Variants in LUC7L observed in about 807,000 individuals in gnomAD.
The protein encoded by LUC7L is LUC7 like, also known as putative RNA-binding protein Luc7-like 1.
In LUC7L, 29 loss-of-function variants were observed where a neutral mutation model predicts 51.1. The ratio of observed to expected loss-of-function variants is 0.57; its 90% CI spans 0.42 to 0.77. LUC7L has a LOEUF of 0.77. Ranked by LOEUF, LUC7L falls within the 30% of genes least tolerant of loss-of-function variation. LUC7L has a pLI of 0.00. For synonymous variants in LUC7L, 181 were observed against 180.7 expected (o/e 1.00, Z -0.01); for missense variants, 403 against 511.9 (o/e 0.79, Z 2.05).
intron 9 of LUC7L, 84 bp downstream of exon 9, chr16:189,884 C>G: frequency 6.5e-7 from 1 of 1,540,326 alleles, no homozygotes; most frequent in South Asian, 1.2e-5. Context: ...CCCATCCCCA[C>G]CAGACACGGC....
rs558613310 is a variant in LUC7L, at chr16:228,876, G to C, written c.61+403C>G. 4 of 1,315,068 alleles carry C rather than the reference G, an allele frequency of 3.0e-6. No individual in the cohort carries two copies. In the Admixed American group the frequency reaches 9.1e-5, roughly 30 times the overall value. The allele number at this position is 1,315,068 out of a possible 1,614,324, so 81.5% of individuals were successfully genotyped here. The stretch of plus-strand genomic sequence containing the variant: ...TTCGAGGCCCATCCGGCTCCCTCGG[G>C]TGTAGCTTCTTCCCAAGGAGCCTCG... On this transcript the variant is annotated intron_variant, in intron 1 of 9. Coordinates refer to ENST00000293872, the MANE Select transcript of LUC7L (RefSeq NM_201412.3).
intron 2 of LUC7L, among the ~76,000 whole-genome samples, chr16:224,709 T>C (rs530083337): frequency 7.7e-4 from 117 of 151,612 alleles, no homozygotes; most frequent in Admixed American, 3.8e-3. Flanking sequence ...GGCGGGCGCC[T>C]ATAATCCCAG....
intron 1 of LUC7L, chr16:227,963 T>C: frequency 9.7e-7 from 1 of 1,032,738 alleles, no homozygotes; most frequent in Non-Finnish European, 1.2e-6. Flanking sequence ...CAATACACAC[T>C]GTGAGCTCCA....
At chr16:206,197 T>G (rs149112150) in intron 4 of LUC7L, 50 bp from the exon 5 acceptor site, 4 of 1,572,392 alleles carry the variant, frequency 2.5e-6, no homozygotes, top group Non-Finnish European at 3.5e-6. Context: ...TGAAAGTGAA[T>G]GCAAAGGCAA....
intron 2 of LUC7L, 62 bp downstream of exon 2, chr16:227,180 C>A: frequency 1.5e-6 from 2 of 1,336,902 alleles, no homozygotes; most frequent in Non-Finnish European, 2.1e-6. Flanking sequence ...ATAGAAAAAC[C>A]GTCACTGCCT....
chr16:227,824 A>C (rs2050169132), intron 1 of LUC7L: 8 of 999,834 alleles, frequency 8.0e-6, no homozygotes, highest in Non-Finnish European at 9.6e-6. Context: ...TCTATCGAAG[A>C]CTGTTAAATA....
At chr16:192,057 C>T (rs957327398) in intron 7 of LUC7L, among the ~76,000 whole-genome samples, 1 of 152,088 alleles carries the variant, frequency 6.6e-6, no homozygotes, top group African/African-American at 2.4e-5. Flanking sequence ...TACTTCCCAC[C>T]TCCTCCCACT....
chr16:194,457 C>T lies in LUC7L; in HGVS notation c.688-1442G>A, dbSNP rs536070517. On this transcript the variant is annotated intron_variant, in intron 6 of 9. Coordinates refer to ENST00000293872, the MANE Select transcript of LUC7L (RefSeq NM_201412.3). ...ACTGTCTATTCTAAGTGGTGCTATA[C>T]TTCTAACTCACAGGGAATTGATCAC... Among the ~76,000 whole-genome samples the T allele has an allele frequency of 4.6e-5, 7 of 152,324 alleles. No homozygotes were observed. In the South Asian group the frequency reaches 1.2e-3, roughly 27 times the overall value.
intron 7 of LUC7L, among the ~76,000 whole-genome samples, chr16:192,502 C>CCT (rs567169264): frequency 8.0e-6 from 1 of 125,638 alleles, no homozygotes; most frequent in Non-Finnish European, 1.6e-5. Context: ...ATGCTGTTTA[C>CCT]TTTTTTTTTT....
chr16:218,581 T>A (rs1234394182), intron 3 of LUC7L, among the ~76,000 whole-genome samples: 1 of 151,396 alleles, frequency 6.6e-6, no homozygotes, highest in East Asian at 1.9e-4. Flanking sequence ...ATCAGCTGGG[T>A]GTGGTGGCGG....
intron 5 of LUC7L, among the ~76,000 whole-genome samples, chr16:201,730 C>A (rs1459498654): frequency 2.8e-5 from 4 of 144,568 alleles, no homozygotes; most frequent in Non-Finnish European, 6.0e-5. Context: ...TGAGCCACCG[C>A]ACCAGGCTTT....
intron 3 of LUC7L, among the ~76,000 whole-genome samples, chr16:210,641 G>T (rs146388299): frequency 3.9e-5 from 6 of 152,186 alleles, no homozygotes; most frequent in African/African-American, 1.4e-4. Context: ...TCACTCGAGG[G>T]GTCAAATGGG....
chr16:199,175 C>T lies in LUC7L; in HGVS notation c.574G>A (p.Val192Ile), dbSNP rs1287862704. The T allele has an allele frequency of 6.2e-7, 1 of 1,611,458 alleles. No homozygotes were observed. Among genetic ancestry groups the T allele is most frequent in the Admixed American group, 1.7e-5 (1 of 59,948 alleles). ...TGGAGACCAAGGTAGGCTGAACAGA[C>T]CTCGCAGACACGCAGCTTTTGCTGC... ...FQQQKLRVCE[V>I]CSAYLGLHDN... The change falls in exon 6 of 10, where the codon GTC becomes ATC. Residue 192 changes from valine to isoleucine, a missense_variant. Around this residue, in one of 3 missense-constraint regions of LUC7L, gnomAD observed 182 missense variants for 248.4 expected, o/e 0.73. Coordinates refer to ENST00000293872, the MANE Select transcript of LUC7L (RefSeq NM_201412.3).
intron 3 of LUC7L, among the ~76,000 whole-genome samples, chr16:211,131 G>T (rs567345653): frequency 6.8e-4 from 102 of 150,140 alleles, no homozygotes; most frequent in African/African-American, 2.4e-3. Flanking sequence ...GGGAGTCTGA[G>T]ACCAGCCTGG....
chr16:205,949 C>A, intron 5 of LUC7L, 55 bp downstream of exon 5: 2 of 1,570,544 alleles, frequency 1.3e-6, no homozygotes, highest in South Asian at 2.4e-5. Flanking sequence ...TTCCAACGGT[C>A]AACGCTGCCA....
chr16:195,431 T>C (rs1420733740), intron 6 of LUC7L, among the ~76,000 whole-genome samples: 2 of 151,272 alleles, frequency 1.3e-5, no homozygotes, highest in African/African-American at 4.9e-5. Context: ...AGACCCTGTC[T>C]CTGAAAAAAA....
At chr16:197,361 C>T (rs1048333435) in intron 6 of LUC7L, among the ~76,000 whole-genome samples, 4 of 151,738 alleles carry the variant, frequency 2.6e-5, no homozygotes, top group Non-Finnish European at 5.9e-5. Context: ...TACAGGCGCC[C>T]GCTGCCATGC....
chr16:209,797 G>A (rs375303654), intron 3 of LUC7L: 4 of 152,164 alleles, frequency 2.6e-5, no homozygotes, highest in East Asian at 3.8e-4. Flanking sequence ...GGATTACACA[G>A]ACACTGGAGA....
At chr16:227,820 G>A (rs1045269692) in intron 1 of LUC7L, 16 of 1,000,910 alleles carry the variant, frequency 1.6e-5, no homozygotes, top group African/African-American at 1.0e-4. Context: ...AAACTCTATC[G>A]AAGACTGTTA....
Sources: gnomAD v4.1 joint callset for allele counts (sites outside exome capture counted in the v4.1 genomes callset) on GRCh38, gnomAD v4.1.1 for gene constraint, gnomAD v4.1.1 regional missense constraint, MANE v1.5 for transcripts, NCBI Gene and HGNC (gene_info 2026-07-23, HGNC 2026-07-21) for gene names.